The following SLC13A1 variants were observed in gnomAD, a reference collection of about 807,000 sequenced individuals.
The protein encoded by SLC13A1 is solute carrier family 13 member 1.
Under a neutral mutation model 70.0 loss-of-function variants are expected in SLC13A1, and 65 were observed. The observed-to-expected ratio is 0.93, with a 90% CI of 0.76 to 1.14. The LOEUF is 1.14. Among genes scored for constraint, SLC13A1 ranks in the 50% most tolerant of loss-of-function variants. The probability of loss-of-function intolerance (pLI) is 0.00; values close to 1 mark genes in which losing one functional copy is unlikely to be tolerated. For missense variants in SLC13A1, 726 were observed against 717.8 expected (o/e 1.01, Z -0.13); for synonymous variants, 275 against 250.5 (o/e 1.10, Z -0.92).
At chr7:123,179,447 C>T (rs1325039741) in intron 2 of SLC13A1, among the ~76,000 whole-genome samples, 1 of 152,128 alleles carries the variant, frequency 6.6e-6, no homozygotes, top group Non-Finnish European at 1.5e-5. Flanking sequence ...GAAGAATTCC[C>T]TTTCAAGTCT....
At chr7:123,136,810 A>C (rs1384954591) in intron 7 of SLC13A1, among the ~76,000 whole-genome samples, 1 of 152,220 alleles carries the variant, frequency 6.6e-6, no homozygotes, top group East Asian at 1.9e-4. Flanking sequence ...ATGCCATCAG[A>C]GAAGGTAACA....
intron 7 of SLC13A1, among the ~76,000 whole-genome samples, chr7:123,137,711 A>G (rs1039827287): frequency 6.6e-6 from 1 of 152,150 alleles, no homozygotes; most frequent in African/African-American, 2.4e-5. Flanking sequence ...TCAGCCTGGT[A>G]AGATCCTGAG....
intron 1 of SLC13A1, among the ~76,000 whole-genome samples, chr7:123,183,080 C>T (rs764314319): frequency 2.6e-5 from 4 of 152,056 alleles, no homozygotes; most frequent in Non-Finnish European, 5.9e-5. Flanking sequence ...TAGTATTCAG[C>T]CAGTTGGTAT....
chr7:123,165,954 TAG>T (rs374703972), intron 6 of SLC13A1, among the ~76,000 whole-genome samples: 138 of 152,210 alleles, frequency 9.1e-4, no homozygotes, highest in African/African-American at 3.1e-3. Flanking sequence ...GCTGACAAGG[TAG>T]ACACATTCTT....
At chr7:123,157,022 C>A (rs141884344) in intron 6 of SLC13A1, among the ~76,000 whole-genome samples, 377 of 152,182 alleles carry the variant, frequency 2.5e-3, no homozygotes, top group African/African-American at 8.6e-3. Context: ...TGTGAGAAAT[C>A]CACAACCTCT....
chr7:123,177,316 GC>G (rs1795480465), intron 2 of SLC13A1, among the ~76,000 whole-genome samples: 1 of 151,862 alleles, frequency 6.6e-6, no homozygotes, highest in African/African-American at 2.4e-5. Context: ...CTCTACTACT[GC>G]CCCTGGTCTG....
At chr7:123,164,908 T>G (rs1324845822) in intron 6 of SLC13A1, among the ~76,000 whole-genome samples, 1 of 152,036 alleles carries the variant, frequency 6.6e-6, no homozygotes, top group Non-Finnish European at 1.5e-5. Flanking sequence ...ATTTGTATTT[T>G]TTTTTTGACT....
intron 1 of SLC13A1, among the ~76,000 whole-genome samples, chr7:123,182,611 A>G (rs1795674947): frequency 6.6e-6 from 1 of 152,110 alleles, no homozygotes; most frequent in Non-Finnish European, 1.5e-5. Flanking sequence ...CCAATCTATG[A>G]GGGTCTGCTA....
chr7:123,133,032 T>C lies in SLC13A1; in HGVS notation c.932+1378A>G, dbSNP rs116224836. On this transcript the variant is annotated intron_variant, in intron 8 of 14. Coordinates refer to ENST00000194130, the MANE Select transcript of SLC13A1 (RefSeq NM_022444.4). The stretch of plus-strand genomic sequence containing the variant: ...TTTAGTGGCATCAGTCGGTCTTTAT[T>C]GGTCAACATTTTTTTTTTTACTTTG... 3.5e-3 allele frequency among the ~76,000 whole-genome samples: 533 copies of C among 152,314 alleles called. 2 individuals carry two copies. The highest frequency in any genetic ancestry group is 0.012 in the African/African-American group (515 of 41,570).
intron 1 of SLC13A1, among the ~76,000 whole-genome samples, chr7:123,197,500 T>G (rs1174620195): frequency 6.6e-6 from 1 of 152,128 alleles, no homozygotes; most frequent in African/African-American, 2.4e-5. Flanking sequence ...AAGGCCTACA[T>G]TCTTTAAAAA....
chr7:123,168,406 C>T lies in SLC13A1; in HGVS notation c.628G>A (p.Gly210Arg), dbSNP rs1404627734. The T allele has an allele frequency of 6.3e-7, 1 of 1,592,240 alleles. No individual in the cohort carries two copies. The highest frequency in any genetic ancestry group is 8.6e-7 in the Non-Finnish European group (1 of 1,165,226). The change falls in exon 6 of 15, where the codon GGG becomes AGG. Residue 210 changes from glycine to arginine, a missense_variant. Physicochemically the swap from Gly to Arg is moderately radical, Grantham distance 125. Transcript: ENST00000194130. ...AACTCCACCTTGCTTGAAATTTTCC[C>T]TGTATCATTATTGTATCTGAAAAAT... ...KPVPGYNNDT[G>R]KISSKVELEK...
chr7:123,138,856 T>C (rs1202664971), intron 7 of SLC13A1, among the ~76,000 whole-genome samples: 1 of 152,166 alleles, frequency 6.6e-6, no homozygotes, highest in Admixed American at 6.6e-5. Context: ...TTTCTCTCAT[T>C]CCGTGGATTT....
In SLC13A1 at chr7:123,114,173, A is replaced by C. The variant is rs1161389610; in HGVS notation, c.*1345T>G. ...AGCATGAGAATTGCTGTGATATAAC[A>C]TCTGCATCTTTTGCTAACTGTGCAC... On this transcript the variant is annotated 3_prime_UTR_variant, in exon 15 of 15. Coordinates refer to ENST00000194130, the MANE Select transcript of SLC13A1 (RefSeq NM_022444.4). 1 of 151,702 alleles carries C rather than the reference A, an allele frequency of 6.6e-6. No homozygotes were observed. Among genetic ancestry groups the C allele is most frequent in the East Asian group, 1.9e-4 (1 of 5,182 alleles). 9.4% of individuals were successfully genotyped at this position (151,702 alleles called of 1,614,324 possible). A position where few individuals can be genotyped will look rare whatever the true frequency, so the allele number is the denominator to read the frequency against.
chr7:123,155,406 T>A (rs1335735902), intron 6 of SLC13A1, among the ~76,000 whole-genome samples: 1 of 152,052 alleles, frequency 6.6e-6, no homozygotes, highest in Non-Finnish European at 1.5e-5. Flanking sequence ...TAGAATACTA[T>A]TTGTATTTGT....
chr7:123,129,485 C>T lies in SLC13A1; in HGVS notation c.933-4G>A. On this transcript the variant is annotated splice_region_variant and splice_polypyrimidine_tract_variant and intron_variant, in intron 8 of 14. Coordinates refer to ENST00000194130, the MANE Select transcript of SLC13A1 (RefSeq NM_022444.4). ...ACATTTGAACATCTCCTTAAAACTG[C>T]AAAGAATAATTAAGCCTGTAAGCAA... 1.2e-6 allele frequency: 2 copies of T among 1,610,718 alleles called. No individual in the cohort carries two copies. Among genetic ancestry groups the T allele is most frequent in the Non-Finnish European group, 1.7e-6 (2 of 1,177,304 alleles).
chr7:123,125,797 T>C lies in SLC13A1; in HGVS notation c.1134-122A>G, dbSNP rs984908756. The C allele has an allele frequency of 2.0e-5, 14 of 688,224 alleles. No homozygotes were observed. In the African/African-American group the frequency reaches 2.3e-4, roughly 12 times the overall value. The allele number at this position is 688,224 out of a possible 1,614,324, so 42.6% of individuals were successfully genotyped here. A position where few individuals can be genotyped will look rare whatever the true frequency, so the allele number is the denominator to read the frequency against. ...TATCAGTAGTAGGTGGTGTAGGTTA[T>C]TTATCCTCAATAATCTGCCCTAAAA... is the stretch of plus-strand genomic sequence containing the variant. On this transcript the variant is annotated intron_variant, in intron 10 of 14. Transcript: ENST00000194130.
chr7:123,117,867 A>T (rs2116244683), intron 13 of SLC13A1, among the ~76,000 whole-genome samples: 1 of 151,958 alleles, frequency 6.6e-6, no homozygotes. Context: ...TATTCCAGAA[A>T]CTAAACAAAA....
At chr7:123,141,310 A>T (rs993591710) in intron 7 of SLC13A1, among the ~76,000 whole-genome samples, 3 of 151,900 alleles carry the variant, frequency 2.0e-5, no homozygotes, top group Admixed American at 6.6e-5. Flanking sequence ...ATGTTTTAAG[A>T]CTCCTTTTGT....
At chr7:123,199,418 T>A (rs1170744675) in intron 1 of SLC13A1, among the ~76,000 whole-genome samples, 1 of 152,018 alleles carries the variant, frequency 6.6e-6, no homozygotes, top group Non-Finnish European at 1.5e-5. Flanking sequence ...AGCTGAGAAG[T>A]AAATTAGTCT....
Sources: allele counts gnomAD v4.1 joint callset (sites outside exome capture counted in the v4.1 genomes callset), GRCh38; gene constraint gnomAD v4.1.1; transcripts MANE v1.5; gene names NCBI Gene and HGNC (gene_info 2026-07-23, HGNC 2026-07-21).